LHFPL3: variants seen among roughly 807,000 people sequenced by gnomAD.
LHFPL3 encodes the protein LHFPL tetraspan subfamily member 3 protein.
In LHFPL3, 5 loss-of-function variants were observed where a neutral mutation model predicts 19.3. The observed-to-expected ratio is 0.26, with a 90% CI of 0.14 to 0.54. The LOEUF (loss-of-function observed/expected upper bound fraction) is 0.54, where lower values mean the gene tolerates loss of function less well. Ranked by LOEUF, LHFPL3 falls within the 20% of genes least tolerant of loss-of-function variation. The pLI is 0.94. For synonymous variants in LHFPL3, 133 were observed against 126.2 expected, an observed-to-expected ratio of 1.05 and a Z score of -0.36; for missense variants, 249 against 307.4, an observed-to-expected ratio of 0.81 and a Z score of 1.42.
At chr7:104,796,161 A>G (rs575678181) in intron 2 of LHFPL3, among the ~76,000 whole-genome samples, 6 of 152,198 alleles carry the variant, frequency 3.9e-5, no homozygotes, top group Non-Finnish European at 8.8e-5. Flanking sequence ...GGCTCGAGGA[A>G]GCAGGTCCTG....
At chr7:104,657,625 G>A (rs1263120887) in intron 1 of LHFPL3, among the ~76,000 whole-genome samples, 1 of 152,182 alleles carries the variant, frequency 6.6e-6, no homozygotes, top group Non-Finnish European at 1.5e-5. Flanking sequence ...GATATGTGAA[G>A]GTGCCTGGAT....
rs560631145 is a variant in LHFPL3, at chr7:104,570,085, T to C, written c.446-166590T>C. Among the ~76,000 whole-genome samples the C allele has an allele frequency of 1.6e-4, 24 of 152,392 alleles. No homozygotes were observed. The South Asian group carries it at 3.7e-3, about 24-fold the overall frequency. ...TCTTACATTTTTTTAAGTGCTGGCT[T>C]AAATTAGACTGTTTTTGTGTTATGA... On this transcript the variant is annotated intron_variant, in intron 1 of 2. Transcript: ENST00000424859.
intron 2 of LHFPL3, chr7:104,757,471 T>C (rs1794306156): frequency 6.6e-6 from 1 of 152,112 alleles, no homozygotes; most frequent in Admixed American, 6.5e-5. Flanking sequence ...AACAAAGGTT[T>C]AATATCCAGA....
At chr7:104,731,300 C>T (rs7385011) in intron 1 of LHFPL3, among the ~76,000 whole-genome samples, 44,976 of 122,706 alleles carry the variant, frequency 0.37, 7,368 homozygotes, top group East Asian at 0.69. Context: ...ATTGAATCTA[C>T]GAATTACCTT....
At chr7:104,501,638 T>A (rs1421614378) in intron 1 of LHFPL3, among the ~76,000 whole-genome samples, 1 of 152,208 alleles carries the variant, frequency 6.6e-6, no homozygotes, top group East Asian at 1.9e-4. Context: ...TGCTTTTCTC[T>A]GACGTCCACC....
intron 1 of LHFPL3, among the ~76,000 whole-genome samples, chr7:104,471,380 G>A (rs925966382): frequency 1.3e-5 from 2 of 152,148 alleles, no homozygotes; most frequent in African/African-American, 2.4e-5. Context: ...AAGCAAGGTG[G>A]CTTCCTCATC....
intron 1 of LHFPL3, among the ~76,000 whole-genome samples, chr7:104,374,675 C>T (rs1428628393): frequency 6.6e-6 from 1 of 152,042 alleles, no homozygotes; most frequent in Non-Finnish European, 1.5e-5. Flanking sequence ...ACACGTGGAA[C>T]CCTGCCTTGA....
chr7:104,453,717 C>G (rs1486157719), intron 1 of LHFPL3, among the ~76,000 whole-genome samples: 4 of 152,080 alleles, frequency 2.6e-5, no homozygotes, highest in African/African-American at 4.8e-5. Context: ...GGGCGGGTCC[C>G]TCATGAATGG....
At chr7:104,621,324 A>G (rs144884017) in intron 1 of LHFPL3, among the ~76,000 whole-genome samples, 114 of 152,356 alleles carry the variant, frequency 7.5e-4, no homozygotes, top group African/African-American at 2.7e-3. Context: ...GAAACAGTTA[A>G]TCACTCCAGA....
chr7:104,471,954 G>A (rs1792915768), intron 1 of LHFPL3, among the ~76,000 whole-genome samples: 2 of 152,110 alleles, frequency 1.3e-5, no homozygotes, highest in South Asian at 4.1e-4. Flanking sequence ...GAGGCAGGAG[G>A]ATTGCTTGGC....
At chr7:104,544,987 G>A (rs961831458) in intron 1 of LHFPL3, among the ~76,000 whole-genome samples, 23 of 150,244 alleles carry the variant, frequency 1.5e-4, no homozygotes, top group African/African-American at 3.9e-4. Context: ...CAGTTTTTTC[G>A]TAAGGATTTA....
chr7:104,653,796 C>T (rs952496287), intron 1 of LHFPL3, among the ~76,000 whole-genome samples: 2 of 152,210 alleles, frequency 1.3e-5, no homozygotes, highest in South Asian at 4.1e-4. Context: ...CTCCTCCCAG[C>T]CAAGAAAAAA....
At chr7:104,358,897 G>A (rs1790336858) in intron 1 of LHFPL3, among the ~76,000 whole-genome samples, 1 of 152,230 alleles carries the variant, frequency 6.6e-6, no homozygotes, top group Non-Finnish European at 1.5e-5. Flanking sequence ...CTCGATGGAT[G>A]TCAGCATAAT....
At chr7:104,422,519 G>T (rs1396718962) in intron 1 of LHFPL3, among the ~76,000 whole-genome samples, 2 of 152,210 alleles carry the variant, frequency 1.3e-5, no homozygotes, top group Non-Finnish European at 2.9e-5. Context: ...GCCAAGCTGT[G>T]TGGATTATAG....
chr7:104,591,707 T>C (rs1167684727), intron 1 of LHFPL3, among the ~76,000 whole-genome samples: 1 of 151,412 alleles, frequency 6.6e-6, no homozygotes. Context: ...TCCTGAAGAG[T>C]GTTTTCCAAG....
chr7:104,645,999 T>G (rs1194015047), intron 1 of LHFPL3, among the ~76,000 whole-genome samples: 1 of 152,158 alleles, frequency 6.6e-6, no homozygotes, highest in Non-Finnish European at 1.5e-5. Context: ...TTCTCCTGGA[T>G]AGGCTCCCCC....
rs371741890 is a variant in LHFPL3, at chr7:104,681,208, A to G, written c.446-55467A>G. ...ATGGGATCTGCCCTGTTTACTCTCT[A>G]TCTCCCCTTGTAAAATGTAAGGCAC... On this transcript the variant is annotated intron_variant, in intron 1 of 2. Coordinates refer to ENST00000424859, the MANE Select transcript of LHFPL3 (RefSeq NM_199000.3). Among the ~76,000 whole-genome samples the G allele has an allele frequency of 6.1e-4, 74 of 120,602 alleles. 1 individual carries two copies. Among genetic ancestry groups the G allele is most frequent in the African/African-American group, 2.2e-3 (68 of 31,410 alleles). 79.1% of individuals were successfully genotyped at this position (120,602 alleles called of 152,430 possible).
At chr7:104,732,813 T>A (rs1004158128) in intron 1 of LHFPL3, among the ~76,000 whole-genome samples, 2 of 152,206 alleles carry the variant, frequency 1.3e-5, no homozygotes, top group Admixed American at 1.3e-4. Flanking sequence ...TTAATTGTCA[T>A]GTTAGGATGT....
intron 2 of LHFPL3, among the ~76,000 whole-genome samples, chr7:104,849,091 C>T (rs538595594): frequency 6.6e-6 from 1 of 152,116 alleles, no homozygotes; most frequent in African/African-American, 2.4e-5. Context: ...CTACCACACC[C>T]GGCTAATTTT....
Sources: allele counts gnomAD v4.1 joint callset (sites outside exome capture counted in the v4.1 genomes callset), GRCh38; gene constraint gnomAD v4.1.1; transcripts MANE v1.5; gene names NCBI Gene and HGNC (gene_info 2026-07-23, HGNC 2026-07-21).